MALRD1: variants seen among roughly 807,000 people sequenced by gnomAD.
MALRD1 encodes MAM and LDL-receptor class A domain-containing protein 1.
In MALRD1, 247 loss-of-function variants were observed where a neutral mutation model predicts 242.1. That is an observed-to-expected ratio of 1.02 (90% CI 0.92 to 1.13). The LOEUF is 1.13. Among genes scored for constraint, MALRD1 ranks in the 50% most tolerant of loss-of-function variants. MALRD1 has a pLI of 0.00. For missense variants in MALRD1, 2,989 were observed against 2,533.1 expected (o/e 1.18, Z -3.86); for synonymous variants, 995 against 866.6 (o/e 1.15, Z -2.60).
chr10:19,076,832 G>C (rs759019030), intron 2 of MALRD1, among the ~76,000 whole-genome samples: 64 of 151,962 alleles, frequency 4.2e-4, no homozygotes, highest in Non-Finnish European at 8.2e-4. Flanking sequence ...CTGCAAAAAT[G>C]GTGGTTGGAA....
intron 28 of MALRD1, among the ~76,000 whole-genome samples, chr10:19,391,356 T>C (rs1846328770): frequency 6.6e-6 from 1 of 152,124 alleles, no homozygotes; most frequent in South Asian, 2.1e-4. Flanking sequence ...CATTTCATCT[T>C]GGTGATTAAT....
intron 28 of MALRD1, among the ~76,000 whole-genome samples, chr10:19,396,149 T>C (rs901820755): frequency 1.3e-5 from 2 of 149,400 alleles, no homozygotes; most frequent in African/African-American, 4.9e-5. Flanking sequence ...TTCTTTTTTT[T>C]TTTTTTTTGA....
At chr10:19,532,581 G>T (rs1474133291) in intron 32 of MALRD1, among the ~76,000 whole-genome samples, 1 of 152,056 alleles carries the variant, frequency 6.6e-6, no homozygotes, top group East Asian at 1.9e-4. Flanking sequence ...CTATTACACA[G>T]TTTTGTTTCT....
chr10:19,371,460 G>T (rs907403452), intron 26 of MALRD1, among the ~76,000 whole-genome samples: 3 of 145,232 alleles, frequency 2.1e-5, no homozygotes, highest in Non-Finnish European at 4.5e-5. Context: ...AATCTATACA[G>T]AAAATTATGT....
chr10:19,173,474 A>C (rs1835096016), intron 13 of MALRD1, among the ~76,000 whole-genome samples: 1 of 152,054 alleles, frequency 6.6e-6, no homozygotes. Flanking sequence ...CAAGAAATTA[A>C]CTCAATTTTT....
chr10:19,188,516 G>C (rs1835834081), intron 14 of MALRD1, among the ~76,000 whole-genome samples: 1 of 150,472 alleles, frequency 6.6e-6, no homozygotes, highest in Admixed American at 6.7e-5. Flanking sequence ...AAAGGGGAAT[G>C]AATATTTGAG....
chr10:19,708,956 T>C (rs1017546384), intron 38 of MALRD1, among the ~76,000 whole-genome samples: 4 of 118,798 alleles, frequency 3.4e-5, no homozygotes, highest in African/African-American at 1.1e-4. Context: ...AGCCACCACA[T>C]CTGGCGGGCC....
intron 10 of MALRD1, among the ~76,000 whole-genome samples, chr10:19,145,027 T>C (rs902093768): frequency 2.6e-5 from 4 of 152,006 alleles, no homozygotes; most frequent in Admixed American, 2.6e-4. Context: ...AAGAGGAATA[T>C]TTAGGAATAA....
At chr10:19,446,679 A>G (rs1835001133) in intron 28 of MALRD1, among the ~76,000 whole-genome samples, 1 of 152,236 alleles carries the variant, frequency 6.6e-6, no homozygotes, top group African/African-American at 2.4e-5. Flanking sequence ...TTCCATGCAT[A>G]TACTATATGT....
At chr10:19,566,434 A>G (rs577048601) in intron 32 of MALRD1, among the ~76,000 whole-genome samples, 29 of 150,820 alleles carry the variant, frequency 1.9e-4, no homozygotes, top group African/African-American at 6.8e-4. Flanking sequence ...CCACCACGCC[A>G]GGCCATATTT....
At chr10:19,474,985 C>T (rs1836662612) in intron 29 of MALRD1, among the ~76,000 whole-genome samples, 1 of 152,118 alleles carries the variant, frequency 6.6e-6, no homozygotes, top group Admixed American at 6.5e-5. Flanking sequence ...TGTTTACGTA[C>T]CGCTTCATAT....
At chr10:19,697,494 G>A (rs1833434172) in intron 38 of MALRD1, among the ~76,000 whole-genome samples, 6 of 151,808 alleles carry the variant, frequency 4.0e-5, no homozygotes, top group Admixed American at 2.6e-4. Flanking sequence ...CTAGACTAGT[G>A]TCTGACCAAA....
chr10:19,528,744 A>C (rs965299047), intron 31 of MALRD1, among the ~76,000 whole-genome samples: 1 of 152,146 alleles, frequency 6.6e-6, no homozygotes, highest in Non-Finnish European at 1.5e-5. Flanking sequence ...TCCAGCATGT[A>C]AGGAGCTTGG....
At chr10:19,396,106 T>C (rs1846563867) in intron 28 of MALRD1, among the ~76,000 whole-genome samples, 1 of 151,672 alleles carries the variant, frequency 6.6e-6, no homozygotes, top group South Asian at 2.1e-4. Context: ...TATTAACTAA[T>C]TCATTCATTC....
chr10:19,389,603 C>T lies in MALRD1; in HGVS notation c.4839C>T (p.Leu1613=), dbSNP rs1447661662. 1 of 1,549,716 alleles carries T rather than the reference C, an allele frequency of 6.5e-7. No homozygotes were observed. The change falls in exon 28 of 40, where the codon CTC becomes CTT. Residue 1613 remains leucine (L), a synonymous_variant. Coordinates refer to ENST00000454679, the MANE Select transcript of MALRD1 (RefSeq NM_001142308.3). ...AGGCCACAGGATCCATTCAGATTCT[C>T]ATCAAGGTAGGAACATGGCCTGTGA... The part of the protein sequence containing the change: ...SAKATGSIQI[L]IKTEKGLSKV...
At chr10:19,670,910 G>C (rs1481240221) in intron 36 of MALRD1, among the ~76,000 whole-genome samples, 9 of 129,544 alleles carry the variant, frequency 6.9e-5, no homozygotes, top group African/African-American at 2.7e-4. Flanking sequence ...ATGGAGTCTT[G>C]CTCTGTTGCC....
At chr10:19,254,731 G>T (rs983535774) in intron 18 of MALRD1, among the ~76,000 whole-genome samples, 1 of 151,388 alleles carries the variant, frequency 6.6e-6, no homozygotes, top group Non-Finnish European at 1.5e-5. Context: ...TAATATATCT[G>T]AAAATACATT....
chr10:19,389,703 A>C lies in MALRD1; in HGVS notation c.4845+94A>C, dbSNP rs181536964. 6.8e-6 allele frequency: 9 copies of C among 1,330,302 alleles called. No individual in the cohort carries two copies. In the South Asian group the frequency reaches 1.4e-4, roughly 20 times the overall value. The allele number at this position is 1,330,302 out of a possible 1,614,324, so 82.4% of individuals were successfully genotyped here. On this transcript the variant is annotated intron_variant, in intron 28 of 39. Coordinates refer to ENST00000454679, the MANE Select transcript of MALRD1 (RefSeq NM_001142308.3). ...CACTCAGGCTGCAGTGCAGTGGTGC[A>C]GTCATGGCTTACTGCAGCCTCCAAC...
chr10:19,483,209 A>G (rs1324689024), intron 29 of MALRD1, among the ~76,000 whole-genome samples: 2 of 150,970 alleles, frequency 1.3e-5, no homozygotes, highest in African/African-American at 4.9e-5. Flanking sequence ...AATCCTAGAA[A>G]AAAAAAAAAC....
Sources: allele counts gnomAD v4.1 joint callset (sites outside exome capture counted in the v4.1 genomes callset), GRCh38; gene constraint gnomAD v4.1.1; transcripts MANE v1.5; gene names NCBI Gene and HGNC (gene_info 2026-07-23, HGNC 2026-07-21).